Variants in TYW1B observed in about 807,000 individuals in gnomAD.
TYW1B encodes tRNA-yW synthesizing protein 1 homolog B.
In TYW1B, 73 loss-of-function variants were observed where a neutral mutation model predicts 86.9. The observed-to-expected ratio is 0.84, with a 90% CI of 0.70 to 1.02. The LOEUF (loss-of-function observed/expected upper bound fraction) is 1.02, where lower values mean the gene tolerates loss of function less well. TYW1B is among the 50% of genes least tolerant of loss of function. The pLI is 0.00. For synonymous variants in TYW1B, 248 were observed against 292.8 expected (o/e 0.85, Z 1.56); for missense variants, 637 against 827.4 (o/e 0.77, Z 2.82).
At chr7:72,632,130 C>T (rs1812506132) in intron 11 of TYW1B, among the ~76,000 whole-genome samples, 1 of 150,526 alleles carries the variant, frequency 6.6e-6, no homozygotes, top group Non-Finnish European at 1.5e-5. Context: ...GACCCCATCA[C>T]TACAAAAAAT....
At chr7:72,721,231 G>A (rs1239522312) in intron 9 of TYW1B, among the ~76,000 whole-genome samples, 1 of 152,164 alleles carries the variant, frequency 6.6e-6, no homozygotes, top group Non-Finnish European at 1.5e-5. Context: ...CTTTATAACA[G>A]CATGATTTAT....
chr7:72,688,788 G>A (rs1814069565), intron 11 of TYW1B, among the ~76,000 whole-genome samples: 1 of 152,166 alleles, frequency 6.6e-6, no homozygotes, highest in Non-Finnish European at 1.5e-5. Context: ...ATTACCTGAT[G>A]CCTCAACACG....
At chr7:72,633,436 G>A (rs1283176026) in intron 11 of TYW1B, among the ~76,000 whole-genome samples, 1 of 152,174 alleles carries the variant, frequency 6.6e-6, no homozygotes, top group Non-Finnish European at 1.5e-5. Context: ...ACCAGAATAG[G>A]CTCTCTCTCA....
intron 9 of TYW1B, among the ~76,000 whole-genome samples, chr7:72,716,025 G>A (rs1293537620): frequency 2.6e-5 from 4 of 152,170 alleles, no homozygotes; most frequent in Non-Finnish European, 4.4e-5. Context: ...CCACCTCCTC[G>A]GTTCAAGCCA....
At chr7:72,736,085 T>G (rs1243753862) in intron 8 of TYW1B, among the ~76,000 whole-genome samples, 5 of 152,170 alleles carry the variant, frequency 3.3e-5, no homozygotes, top group Admixed American at 6.5e-5. Flanking sequence ...GCCACGAGAA[T>G]ACACTGAACA....
intron 8 of TYW1B, among the ~76,000 whole-genome samples, chr7:72,736,049 G>C (rs543387102): frequency 6.6e-6 from 1 of 152,136 alleles, no homozygotes; most frequent in Non-Finnish European, 1.5e-5. Flanking sequence ...ACTTTCTGCA[G>C]AAAGGGTACA....
intron 9 of TYW1B, among the ~76,000 whole-genome samples, chr7:72,715,996 TCTC>T (rs1272727227): frequency 1.3e-5 from 2 of 152,208 alleles, no homozygotes; most frequent in African/African-American, 4.8e-5. Context: ...AGTGGCACAA[TCTC>T]AGCTCACTGC....
intron 2 of TYW1B, among the ~76,000 whole-genome samples, chr7:72,822,460 A>C (rs1554480644): frequency 6.6e-6 from 1 of 152,248 alleles, no homozygotes. Context: ...AAATTTCCAG[A>C]AATCAAGGAC....
chr7:72,751,315 T>C (rs543184808), intron 7 of TYW1B, among the ~76,000 whole-genome samples: 2 of 152,102 alleles, frequency 1.3e-5, no homozygotes, highest in African/African-American at 4.8e-5. Flanking sequence ...TAGGACTACA[T>C]GCGTGAGCCA....
chr7:72,669,134 C>CTTTTTT (rs781821639), intron 11 of TYW1B, among the ~76,000 whole-genome samples: 12 of 81,554 alleles, frequency 1.5e-4, no homozygotes, highest in Non-Finnish European at 2.0e-4. Flanking sequence ...TAATTTTAAA[C>CTTTTTT]TTTTTTTTTT....
In TYW1B at chr7:72,713,807, T is replaced by C. The variant is rs782246458; in HGVS notation, c.1193-9A>G. ...TTTGACGCCCGGTACTCCTGGAGAA[T>C]ACAGTGAGAAGGACCCAGCTACATA... On this transcript the variant is annotated splice_polypyrimidine_tract_variant and intron_variant, in intron 9 of 13. Coordinates refer to ENST00000620995, the MANE Select transcript of TYW1B (RefSeq NM_001145440.3). 9.0e-6 allele frequency: 14 copies of C among 1,560,190 alleles called. No individual in the cohort carries two copies. The highest frequency in any genetic ancestry group is 1.2e-5 in the South Asian group (1 of 84,124).
At chr7:72,822,484 G>A (rs1390555926) in intron 2 of TYW1B, among the ~76,000 whole-genome samples, 2 of 152,104 alleles carry the variant, frequency 1.3e-5, no homozygotes, top group Admixed American at 6.6e-5. Flanking sequence ...GAAATGATCC[G>A]AAAATCTTCC....
At chr7:72,658,035 C>T (rs1178096378) in intron 11 of TYW1B, among the ~76,000 whole-genome samples, 1 of 152,156 alleles carries the variant, frequency 6.6e-6, no homozygotes, top group Non-Finnish European at 1.5e-5. Context: ...GCAGGTGGAT[C>T]ATGAGGTCAG....
chr7:72,747,840 T>C (rs551316554), intron 7 of TYW1B, among the ~76,000 whole-genome samples: 4 of 152,214 alleles, frequency 2.6e-5, no homozygotes, highest in Non-Finnish European at 5.9e-5. Flanking sequence ...TTTCATTTAT[T>C]TTTTTATCAG....
chr7:72,634,154 A>T (rs759209686), intron 11 of TYW1B, among the ~76,000 whole-genome samples: 55 of 151,298 alleles, frequency 3.6e-4, no homozygotes, highest in Admixed American at 7.3e-4. Flanking sequence ...TACTGTACTC[A>T]TCTCTCTCTC....
At chr7:72,786,668 C>G (rs1374250479) in intron 6 of TYW1B, among the ~76,000 whole-genome samples, 5 of 150,252 alleles carry the variant, frequency 3.3e-5, no homozygotes, top group African/African-American at 1.2e-4. Context: ...CTCCGTCTCC[C>G]GGGGTCAAGC....
intron 8 of TYW1B, among the ~76,000 whole-genome samples, chr7:72,729,649 C>G (rs1357904629): frequency 6.6e-6 from 1 of 152,102 alleles, no homozygotes; most frequent in African/African-American, 2.4e-5. Context: ...GAGACCACCC[C>G]CAAGACAGAC....
rs556961745 is a variant in TYW1B at position 72,608,116 on chromosome 7, G to C, written c.1785+8556C>G. The stretch of plus-strand genomic sequence containing the variant: ...CAGGAATGGAGAGGAAACCAAGACA[G>C]TGGCAGATGAAGGAAAACTAAGAGG... On this transcript the variant is annotated intron_variant, in intron 13 of 13. Transcript: ENST00000620995. 2.6e-5 allele frequency among the ~76,000 whole-genome samples: 4 copies of C among 152,330 alleles called. No homozygotes were observed. In the South Asian group the frequency reaches 8.3e-4, roughly 32 times the overall value.
Position 72,823,515 on chromosome 7 carries a change from G to A in TYW1B, c.135+3340C>T, listed in dbSNP as rs532081674. Among the ~76,000 whole-genome samples, 306 of 151,968 alleles carry A rather than the reference G, an allele frequency of 2.0e-3. 1 individual carries two copies. Among genetic ancestry groups the A allele is most frequent in the Non-Finnish European group, 4.6e-4 (31 of 67,954 alleles). ...GGCGCCTATAGTCCCAGCTACTCAG[G>A]AGGCTGAGGCAGAAGAATCGCTTGA... On this transcript the variant is annotated intron_variant, in intron 2 of 13. Transcript: ENST00000620995.
Sources: allele counts gnomAD v4.1 joint callset (sites outside exome capture counted in the v4.1 genomes callset), GRCh38; gene constraint gnomAD v4.1.1; transcripts MANE v1.5; gene names NCBI Gene and HGNC (gene_info 2026-07-23, HGNC 2026-07-21).